The following YIF1B variants were observed in gnomAD, a reference collection of about 807,000 sequenced individuals.
The protein encoded by YIF1B is protein YIF1B.
A neutral mutation model predicts 34.6 loss-of-function variants in YIF1B; 24 were observed. The observed-to-expected ratio is 0.69, with a 90% confidence interval of 0.50 to 0.98. The LOEUF (loss-of-function observed/expected upper bound fraction) is 0.98. Ranked by LOEUF, YIF1B falls within the 50% of genes least tolerant of loss-of-function variation. The pLI is 0.00. For synonymous variants in YIF1B, 186 were observed against 184.8 expected (o/e 1.01, Z -0.05); for missense variants, 368 against 429.4 (o/e 0.86, Z 1.26).
At chr19:38,315,374 A>G in intron 1 of YIF1B, 1 of 1,136,896 alleles carries the variant, frequency 8.8e-7, no homozygotes, top group Non-Finnish European at 1.1e-6. Flanking sequence ...GACACATGGG[A>G]GTTGAGACAA....
At position 38,307,446 on chromosome 19, in the gene YIF1B, T is replaced by C. The variant is rs3178327; in HGVS notation, c.771A>G (p.Val257=). 0.3 allele frequency: 478,528 copies of C among 1,613,022 alleles called. 75,740 individuals carry two copies. The highest frequency in any genetic ancestry group is 0.55 in the East Asian group (24,595 of 44,812). ...GYYLVLGWCC[V]AIFVFMIRTL... ...AGCTCACCATGAACACAAAGATGGC[T>C]ACGCAGCACCAGCCCAGCACCAGGT... The change falls in exon 7 of 8, where the codon GTA becomes GTG. Residue 257 remains valine, a synonymous_variant. Coordinates refer to ENST00000339413, the MANE Select transcript of YIF1B (RefSeq NM_001039672.3).
Position 38,305,109 on chromosome 19 carries a change from T to A in YIF1B, c.*243A>T. The A allele has an allele frequency of 1.4e-6, 2 of 1,460,444 alleles. No individual in the cohort carries two copies. The highest frequency in any genetic ancestry group is 2.5e-5 in the East Asian group (1 of 40,208). 90.5% of individuals were successfully genotyped at this position (1,460,444 alleles called of 1,614,324 possible). On this transcript the variant is annotated 3_prime_UTR_variant, in exon 8 of 8. Coordinates refer to ENST00000339413, the MANE Select transcript of YIF1B (RefSeq NM_001039672.3). Reference sequence around the variant, plus strand: ...CGTGCGCGAGGCCAAGGAGAGGCTGTCCACGCCATGCCCATCAGGGTTTAT... The same window carrying A: ...CGTGCGCGAGGCCAAGGAGAGGCTGACCACGCCATGCCCATCAGGGTTTAT...
upstream of YIF1B, among the ~76,000 whole-genome samples, chr19:38,318,311 G>A (rs992131590): frequency 1.3e-5 from 2 of 151,344 alleles, no homozygotes; most frequent in Admixed American, 1.3e-4. Context: ...TTGAGGCAGG[G>A]TCTACTCTAT....
chr19:38,318,874 G>A (rs574461708), upstream of YIF1B, among the ~76,000 whole-genome samples: 3 of 151,506 alleles, frequency 2.0e-5, no homozygotes, highest in South Asian at 2.1e-4. Context: ...AGAGACTTAC[G>A]GGGGGGCGCA....
chr19:38,308,031 A>C (rs1969139518), intron 5 of YIF1B, among the ~76,000 whole-genome samples: 1 of 152,196 alleles, frequency 6.6e-6, no homozygotes, highest in South Asian at 2.1e-4. Context: ...GGGGACACCG[A>C]GCTGAAGCCT....
chr19:38,308,186 G>A (rs537519395), intron 5 of YIF1B, among the ~76,000 whole-genome samples: 1 of 152,304 alleles, frequency 6.6e-6, no homozygotes, highest in South Asian at 2.1e-4. Flanking sequence ...GATCTAGCCT[G>A]GGGGGCAGGA....
chr19:38,305,340 C>G lies in YIF1B; in HGVS notation c.*12G>C. The stretch of plus-strand genomic sequence containing the variant: ...GCAGCAGCAGCAGCAGCGGGAGGTT[C>G]AGCGGGCGCGCTCACCGCACCAGGT... On this transcript the variant is annotated 3_prime_UTR_variant, in exon 8 of 8. Transcript: ENST00000339413. 2 of 1,597,250 alleles carry G rather than the reference C, an allele frequency of 1.3e-6. No individual in the cohort carries two copies. Among genetic ancestry groups the G allele is most frequent in the Middle Eastern group, 1.7e-4 (1 of 5,822 alleles).
intron 1 of YIF1B, chr19:38,315,486 C>G (rs1352267814): frequency 1.4e-6 from 2 of 1,394,180 alleles, no homozygotes; most frequent in Non-Finnish European, 1.9e-6. Flanking sequence ...CTTAAATGAG[C>G]GGTAGGCATG....
rs1968863630 is a variant in YIF1B at position 38,303,810 on chromosome 19, C to T, written c.*1542G>A. On this transcript the variant is annotated 3_prime_UTR_variant, in exon 8 of 8. Coordinates refer to ENST00000339413, the MANE Select transcript of YIF1B (RefSeq NM_001039672.3). ...AAGTCTATGCCCCTCACCCCTCAGA[C>T]GCTGCTCACCAAGCCGGAGGGGCTG... Among the ~76,000 whole-genome samples the T allele has an allele frequency of 6.6e-6, 1 of 152,234 alleles. No homozygotes were observed. Among genetic ancestry groups the T allele is most frequent in the South Asian group, 2.1e-4 (1 of 4,838 alleles).
chr19:38,320,388 G>C, upstream of YIF1B: 1 of 1,141,038 alleles, frequency 8.8e-7, no homozygotes, highest in East Asian at 2.7e-5. Context: ...TCTGGGCTTC[G>C]GATCCCCCGA....
In YIF1B at chr19:38,304,861, C is replaced by T; in HGVS notation, c.*491G>A. 6.2e-7 allele frequency: 1 copy of T among 1,613,712 alleles called. No homozygotes were observed. Among genetic ancestry groups the T allele is most frequent in the Admixed American group, 1.7e-5 (1 of 60,030 alleles). ...GCCCCACAGTCCCACGCTGCTGGCT[C>T]CAAGCAGCACGAGAGCATCCCGGGC... On this transcript the variant is annotated 3_prime_UTR_variant, in exon 8 of 8. Transcript: ENST00000339413.
upstream of YIF1B, among the ~76,000 whole-genome samples, chr19:38,319,518 C>A (rs901599431): frequency 1.3e-5 from 2 of 152,232 alleles, no homozygotes; most frequent in African/African-American, 4.8e-5. Context: ...CTTGCTCCGT[C>A]AGCCGCGCGC....
chr19:38,319,704 G>T (rs1332781746), upstream of YIF1B: 1 of 463,114 alleles, frequency 2.2e-6, no homozygotes, highest in Non-Finnish European at 3.8e-6. Context: ...CCGTTGGTCT[G>T]CTGGGTCTGG....
intron 1 of YIF1B, among the ~76,000 whole-genome samples, chr19:38,310,289 A>G (rs1320989706): frequency 3.8e-5 from 1 of 26,214 alleles, no homozygotes; most frequent in Non-Finnish European, 7.1e-5. Context: ...CCACCCACCC[A>G]TCCATCCATC....
At chr19:38,314,384 G>C (rs1324884987) in intron 1 of YIF1B, among the ~76,000 whole-genome samples, 1 of 151,834 alleles carries the variant, frequency 6.6e-6, no homozygotes, top group African/African-American at 2.4e-5. Context: ...TAGTAGAGAT[G>C]GGGTCTCACC....
rs1969175056 is a variant in YIF1B, at chr19:38,308,798, T to C, written c.533A>G (p.Gln178Arg). The C allele has an allele frequency of 6.2e-7, 1 of 1,613,880 alleles. No individual in the cohort carries two copies. ...TGCCCCAGGCCTCCCTTACCTATCC[T>C]GGGTCCCCAGCGCAAGACCAGCCAC... is the stretch of plus-strand genomic sequence containing the variant. Reference protein sequence around the residue: ...VLVAGLALGTQDRFSPDLLGL... With the variant: ...VLVAGLALGTRDRFSPDLLGL... Residue 178 changes from glutamine (Q) to arginine (R), a missense_variant, in exon 5 of 8, where the codon CAG (glutamine) becomes CGG (arginine). Coordinates refer to ENST00000339413, the MANE Select transcript of YIF1B (RefSeq NM_001039672.3).
upstream of YIF1B, among the ~76,000 whole-genome samples, chr19:38,319,224 G>A (rs537236333): frequency 6.6e-6 from 1 of 152,214 alleles, no homozygotes; most frequent in East Asian, 1.9e-4. Flanking sequence ...AGCCTCCCGA[G>A]TAGCTGGGAC....
chr19:38,304,731 C>G lies in YIF1B; in HGVS notation c.*621G>C, dbSNP rs753409674. On this transcript the variant is annotated 3_prime_UTR_variant, in exon 8 of 8. Coordinates refer to ENST00000339413, the MANE Select transcript of YIF1B (RefSeq NM_001039672.3). ...GTCCCCAAGCACGTGCCCTGCACCC[C>G]AGAGAGGCGTCCCCGCACTGGGGCT... 9.9e-6 allele frequency: 16 copies of G among 1,612,978 alleles called. No individual in the cohort carries two copies. Among genetic ancestry groups the G allele is most frequent in the Non-Finnish European group, 1.3e-5 (15 of 1,179,548 alleles).
At chr19:38,318,126 G>C (rs1273092369), upstream of YIF1B, among the ~76,000 whole-genome samples, 2 of 140,932 alleles carry the variant, frequency 1.4e-5, no homozygotes, top group African/African-American at 2.6e-5. Flanking sequence ...CCAGGAGGCA[G>C]AGGTTGCAGC....
Sources: gnomAD v4.1 joint callset for allele counts (sites outside exome capture counted in the v4.1 genomes callset) on GRCh38, gnomAD v4.1.1 for gene constraint, MANE v1.5 for transcripts, NCBI Gene and HGNC (gene_info 2026-07-23, HGNC 2026-07-21) for gene names.